Variants in AMZ2 observed in about 807,000 individuals in gnomAD.
The protein encoded by AMZ2 is archaelysin family metallopeptidase 2, also known as archaemetzincin-2.
In AMZ2, 26 loss-of-function variants were observed where a neutral mutation model predicts 36.7. The ratio of observed to expected loss-of-function variants is 0.71; its 90% CI spans 0.52 to 0.98. The LOEUF (loss-of-function observed/expected upper bound fraction) is 0.98, where lower values mean the gene tolerates loss of function less well. AMZ2 is among the 50% of genes least tolerant of loss of function. The probability of loss-of-function intolerance (pLI) is 0.00; values close to 1 mark genes in which losing one functional copy is unlikely to be tolerated. For missense variants in AMZ2, 394 were observed against 430.5 expected, an observed-to-expected ratio of 0.92 and a Z score of 0.75; for synonymous variants, 144 against 149.1, an observed-to-expected ratio of 0.97 and a Z score of 0.25.
chr17:68,248,924 C>A, intron 1 of AMZ2: 2 of 660,774 alleles, frequency 3.0e-6, no homozygotes, highest in Non-Finnish European at 4.0e-6. Context: ...AATCGTCTAT[C>A]ATTAAACTGG....
At chr17:68,223,587 T>C (rs2073423976) in intron 1 of AMZ2, among the ~76,000 whole-genome samples, 1 of 152,234 alleles carries the variant, frequency 6.6e-6, no homozygotes, top group Non-Finnish European at 1.5e-5. Flanking sequence ...TTGCCCAGGC[T>C]GGAGTGCAGT....
chr17:68,252,467 C>A (rs1277814636), intron 4 of AMZ2, among the ~76,000 whole-genome samples: 1 of 152,080 alleles, frequency 6.6e-6, no homozygotes, highest in Non-Finnish European at 1.5e-5. Flanking sequence ...TATTATTAAC[C>A]TGATAGAGAT....
chr17:68,227,291 C>A (rs182204783), intron 1 of AMZ2, among the ~76,000 whole-genome samples: 6 of 152,304 alleles, frequency 3.9e-5, no homozygotes, highest in Non-Finnish European at 7.4e-5. Flanking sequence ...GGTCCTCCCC[C>A]CTGGCTTATT....
At chr17:68,222,242 A>G (rs1555728757) in intron 1 of AMZ2, among the ~76,000 whole-genome samples, 1 of 152,236 alleles carries the variant, frequency 6.6e-6, no homozygotes, top group Non-Finnish European at 1.5e-5. Flanking sequence ...TCTGAGGGAC[A>G]TGCTCAGTCT....
Position 68,248,475 on chromosome 17 carries a change from CAT to C in AMZ2, c.-230_-229del. 1 of 986,088 alleles carries C rather than the reference CAT, an allele frequency of 1.0e-6. No homozygotes were observed. The highest frequency in any genetic ancestry group is 1.2e-6 in the Non-Finnish European group (1 of 830,068). 61.1% of individuals were successfully genotyped at this position (986,088 alleles called of 1,614,324 possible). Reference sequence around the variant, plus strand: ...TGATGTTCTGGTTTTGGGACCAAAGCATCCTAGGCCTCCAGCCCACTGCAGTG... The same window carrying C: ...TGATGTTCTGGTTTTGGGACCAAAGCCCTAGGCCTCCAGCCCACTGCAGTG... On this transcript the variant is annotated 5_prime_UTR_variant, in exon 1 of 7. The change abolishes the stop of an existing upstream ORF in the 5' untranslated region. Transcript: ENST00000359904.
intron 1 of AMZ2, among the ~76,000 whole-genome samples, chr17:68,213,468 C>T (rs1338966543): frequency 6.6e-6 from 1 of 152,158 alleles, no homozygotes; most frequent in African/African-American, 2.4e-5. Flanking sequence ...AAATGAGTGT[C>T]AGAGCAGGGA....
rs573652299 is a variant in AMZ2, at chr17:68,255,109, G to A, written c.750+542G>A. Among the ~76,000 whole-genome samples, 7 of 152,292 alleles carry A rather than the reference G, an allele frequency of 4.6e-5. No homozygotes were observed. The South Asian group carries it at 1.2e-3, about 27-fold the overall frequency. ...GCTTTTACCTGTACTATTTGTTGGGGTTTGACAGCTACACCTCTGAGAACT... is the reference window on the plus strand; with the variant it reads ...GCTTTTACCTGTACTATTTGTTGGGATTTGACAGCTACACCTCTGAGAACT... On this transcript the variant is annotated intron_variant, in intron 5 of 6. Coordinates refer to ENST00000359904, the MANE Select transcript of AMZ2 (RefSeq NM_016627.5).
intron 1 of AMZ2, among the ~76,000 whole-genome samples, chr17:68,242,473 G>A (rs1454395277): frequency 1.3e-5 from 2 of 151,936 alleles, no homozygotes; most frequent in African/African-American, 4.8e-5. Context: ...GGGCAGTGGC[G>A]CGATCTCGGC....
intron 1 of AMZ2, among the ~76,000 whole-genome samples, chr17:68,221,932 C>T (rs546556172): frequency 1.4e-4 from 21 of 152,192 alleles, no homozygotes; most frequent in Admixed American, 3.3e-4. Flanking sequence ...ACGACCTCAG[C>T]GGTATTACAG....
intron 1 of AMZ2, among the ~76,000 whole-genome samples, chr17:68,227,806 A>T (rs1288229482): frequency 2.6e-5 from 4 of 152,208 alleles, no homozygotes; most frequent in African/African-American, 9.7e-5. Context: ...ATTGAAGATT[A>T]TGCTGGGCAA....
intron 4 of AMZ2, among the ~76,000 whole-genome samples, chr17:68,253,326 C>T (rs533955658): frequency 6.6e-6 from 1 of 152,258 alleles, no homozygotes; most frequent in South Asian, 2.1e-4. Context: ...GACAAATCTA[C>T]TATGGGTTTA....
At chr17:68,214,127 T>G (rs1488663499) in intron 1 of AMZ2, among the ~76,000 whole-genome samples, 9 of 151,836 alleles carry the variant, frequency 5.9e-5, no homozygotes, top group Non-Finnish European at 8.8e-5. Flanking sequence ...AGATGTTTAT[T>G]AATTCTTAAT....
At chr17:68,209,630 A>ATTTTTT (rs1339157573) in intron 1 of AMZ2, among the ~76,000 whole-genome samples, 1,183 of 97,742 alleles carry the variant, frequency 0.012, 9 homozygotes, top group Non-Finnish European at 0.019. Flanking sequence ...ATATATATAT[A>ATTTTTT]TATTTTTTTT....
At chr17:68,245,924 A>C (rs546938856), upstream of AMZ2, among the ~76,000 whole-genome samples, 17 of 152,292 alleles carry the variant, frequency 1.1e-4, 1 homozygote, top group South Asian at 3.3e-3. Context: ...TAAGCTAAAG[A>C]AGCCACTCAG....
chr17:68,251,690 C>T (rs1204527576), intron 4 of AMZ2, among the ~76,000 whole-genome samples: 1 of 151,952 alleles, frequency 6.6e-6, no homozygotes, highest in African/African-American at 2.4e-5. Context: ...ATATATAGGC[C>T]TGGCATATAT....
chr17:68,250,198 T>C lies in AMZ2; in HGVS notation c.11T>C (p.Ile4Thr). 6.2e-7 allele frequency: 1 copy of C among 1,612,970 alleles called. No individual in the cohort carries two copies. Among genetic ancestry groups the C allele is most frequent in the Non-Finnish European group, 8.5e-7 (1 of 1,179,574 alleles). Residue 4 changes from isoleucine to threonine, a missense_variant, in exon 2 of 7, where the codon ATA becomes ACA. Ile to Thr is a moderately conservative substitution (Grantham distance 89). Transcript: ENST00000359904. ...GCTTTTTTTTGTTAGATGCAAATAA[T>C]ACGGCACTCCGAACAGACACTAAAA... MQIIRHSEQTLKTA... is the reference protein window; with the variant it reads MQITRHSEQTLKTA...
chr17:68,238,321 A>G (rs143213212), intron 1 of AMZ2, among the ~76,000 whole-genome samples: 4 of 152,248 alleles, frequency 2.6e-5, no homozygotes, highest in Non-Finnish European at 2.9e-5. Context: ...TGCTAGGATT[A>G]CAGGCTTGAG....
intron 1 of AMZ2, among the ~76,000 whole-genome samples, chr17:68,208,522 C>T (rs1157588100): frequency 6.6e-6 from 1 of 152,188 alleles, no homozygotes; most frequent in African/African-American, 2.4e-5. Flanking sequence ...AAAGAGACCA[C>T]TCGGCTCTCT....
At position 68,235,933 on chromosome 17, in the gene AMZ2, G is replaced by A. The variant is rs1181176423; in HGVS notation, c.-66-12707G>A. Reference sequence around the variant, plus strand: ...CAACCTCCATCTCCCGGGCTCAAGCGATTCTCCTGCCTCAGGCTCCCAAGT... The same window carrying A: ...CAACCTCCATCTCCCGGGCTCAAGCAATTCTCCTGCCTCAGGCTCCCAAGT... On this transcript the variant is annotated intron_variant, in intron 1 of 7. Transcript: ENST00000674770. The surrounding 1 kb of genome is among the most constrained non-coding windows in gnomAD (Gnocchi z 4.2). Among the ~76,000 whole-genome samples, 3 of 151,960 alleles carry A rather than the reference G, an allele frequency of 2.0e-5. No individual in the cohort carries two copies. The highest frequency in any genetic ancestry group is 1.3e-4 in the Admixed American group (2 of 15,256).
Sources: gnomAD v4.1 joint callset for allele counts (sites outside exome capture counted in the v4.1 genomes callset) on GRCh38, gnomAD v4.1.1 for gene constraint, Gnocchi (gnomAD v3.1) non-coding constraint, MANE v1.5 for transcripts, NCBI Gene and HGNC (gene_info 2026-07-23, HGNC 2026-07-21) for gene names.